Variants in ANKS1B observed in about 807,000 individuals in gnomAD.
The protein encoded by ANKS1B is ankyrin repeat and sterile alpha motif domain containing 1B, also known as ankyrin repeat and sterile alpha motif domain-containing protein 1B.
In ANKS1B, 36 loss-of-function variants were observed where a neutral mutation model predicts 148.3. The observed-to-expected ratio is 0.24, with a 90% confidence interval of 0.19 to 0.32. The LOEUF is 0.32. Ranked by LOEUF, ANKS1B falls within the 10% of genes least tolerant of loss-of-function variation. ANKS1B has a pLI of 1.00. For missense variants in ANKS1B, 1,157 were observed against 1,542.6 expected, an observed-to-expected ratio of 0.75 and a Z score of 4.19; for synonymous variants, 542 against 560.8, an observed-to-expected ratio of 0.97 and a Z score of 0.47.
At position 99,548,285 on chromosome 12, in the gene ANKS1B, T is replaced by C. The variant is rs372867289; in HGVS notation, c.1273-43644A>G. On this transcript the variant is annotated intron_variant, in intron 9 of 26. Coordinates refer to ENST00000683438, the MANE Select transcript of ANKS1B (RefSeq NM_001352186.2). ...CAGCAGCATCTCCTTGCATGGAATA[T>C]CAGATTCAAATTTCTTTGCCTGATT... Among the ~76,000 whole-genome samples the C allele has an allele frequency of 8.5e-5, 13 of 152,296 alleles. No homozygotes were observed. The East Asian group carries it at 2.5e-3, about 29-fold the overall frequency.
At chr12:99,852,762 G>A (rs936304686) in intron 1 of ANKS1B, among the ~76,000 whole-genome samples, 1 of 152,242 alleles carries the variant, frequency 6.6e-6, no homozygotes, top group African/African-American at 2.4e-5. Flanking sequence ...GTGTGGGACA[G>A]CAGAGGAACT....
At chr12:98,959,003 T>C (rs1017369757) in intron 17 of ANKS1B, among the ~76,000 whole-genome samples, 1 of 152,216 alleles carries the variant, frequency 6.6e-6, no homozygotes, top group Non-Finnish European at 1.5e-5. Flanking sequence ...AGTTATACTT[T>C]ATAATAAAAA....
chr12:99,158,851 A>T (rs940077212), intron 14 of ANKS1B, among the ~76,000 whole-genome samples: 8 of 152,136 alleles, frequency 5.3e-5, no homozygotes, highest in Non-Finnish European at 1.0e-4. Context: ...AATCCCAACC[A>T]AGCGGCATGG....
chr12:99,754,320 A>T (rs190686359), intron 8 of ANKS1B, among the ~76,000 whole-genome samples: 1 of 152,290 alleles, frequency 6.6e-6, no homozygotes, highest in African/African-American at 2.4e-5. Flanking sequence ...TCCTAAATAT[A>T]TATGCACCCA....
rs867983944 is a variant in ANKS1B, at chr12:99,449,896, T to C, written c.1439-6087A>G. On this transcript the variant is annotated intron_variant, in intron 10 of 26. Coordinates refer to ENST00000683438, the MANE Select transcript of ANKS1B (RefSeq NM_001352186.2). ...ATAGGACCAACAGGATCTATCCATC[T>C]ATCTATCTATCTATCTATCTATCTA... Among the ~76,000 whole-genome samples the C allele has an allele frequency of 3.3e-3, 5 of 1,510 alleles. No homozygotes were observed. In the South Asian group the frequency reaches 0.079, roughly 24 times the overall value. The allele number at this position is 1,510 out of a possible 152,430, so 1.0% of individuals were successfully genotyped here. A position where few individuals can be genotyped will look rare whatever the true frequency, so the allele number is the denominator to read the frequency against.
At chr12:99,747,260 C>T (rs1819520312) in intron 8 of ANKS1B, among the ~76,000 whole-genome samples, 8 of 152,074 alleles carry the variant, frequency 5.3e-5, no homozygotes, top group South Asian at 4.1e-4. Context: ...TGAAACTAAA[C>T]TTATCCTCTT....
At chr12:99,179,538 C>A (rs1269445953) in intron 14 of ANKS1B, among the ~76,000 whole-genome samples, 5 of 151,652 alleles carry the variant, frequency 3.3e-5, no homozygotes, top group African/African-American at 1.2e-4. Flanking sequence ...GAGTGCCATG[C>A]ATTCTCTTTC....
At chr12:99,242,416 A>G (rs1306457565) in intron 14 of ANKS1B, among the ~76,000 whole-genome samples, 1 of 152,220 alleles carries the variant, frequency 6.6e-6, no homozygotes, top group East Asian at 1.9e-4. Context: ...ATGGAAGAAC[A>G]TTCCATGCTC....
intron 12 of ANKS1B, among the ~76,000 whole-genome samples, chr12:99,316,044 C>A (rs1602762794): frequency 6.6e-6 from 1 of 152,230 alleles, no homozygotes; most frequent in East Asian, 1.9e-4. Flanking sequence ...TGTATATGTG[C>A]CACATTTTCT....
chr12:99,046,534 T>C (rs910168005), intron 17 of ANKS1B, among the ~76,000 whole-genome samples: 7 of 151,378 alleles, frequency 4.6e-5, no homozygotes, highest in Non-Finnish European at 1.0e-4. Flanking sequence ...GTGCGGTGGC[T>C]CATGCCTGTA....
chr12:99,671,443 C>A lies in ANKS1B; in HGVS notation c.1129-16233G>T, dbSNP rs186025850. Among the ~76,000 whole-genome samples, 1,028 of 152,150 alleles carry A rather than the reference C, an allele frequency of 6.8e-3. 10 individuals carry two copies. Among genetic ancestry groups the A allele is most frequent in the Non-Finnish European group, 0.011 (780 of 67,974 alleles). ...CAGCCCCGCAATCAAAAGATAAACA[C>A]CCCCATTATTAAATAGCAATATTTT... is the stretch of plus-strand genomic sequence containing the variant. On this transcript the variant is annotated intron_variant, in intron 8 of 26. Coordinates refer to ENST00000683438, the MANE Select transcript of ANKS1B (RefSeq NM_001352186.2).
chr12:99,318,352 T>C (rs1294777045), intron 12 of ANKS1B, among the ~76,000 whole-genome samples: 1 of 152,230 alleles, frequency 6.6e-6, no homozygotes, highest in Non-Finnish European at 1.5e-5. Context: ...AGCCTGTAAT[T>C]GGTCTATTCA....
chr12:99,975,982 G>A (rs536237065), intron 1 of ANKS1B, among the ~76,000 whole-genome samples: 10 of 152,284 alleles, frequency 6.6e-5, no homozygotes, highest in African/African-American at 2.2e-4. Context: ...ACAAGAAAAT[G>A]TGGTACATAT....
intron 17 of ANKS1B, among the ~76,000 whole-genome samples, chr12:98,865,052 T>C (rs1284189944): frequency 1.3e-5 from 2 of 152,200 alleles, no homozygotes; most frequent in Non-Finnish European, 2.9e-5. Context: ...TGTTGTTTTC[T>C]GCTGGAGAGA....
intron 12 of ANKS1B, among the ~76,000 whole-genome samples, chr12:99,327,233 T>TATA (rs1366039933): frequency 9.2e-6 from 1 of 108,194 alleles, no homozygotes; most frequent in Non-Finnish European, 1.8e-5. Flanking sequence ...TTTATAATTA[T>TATA]AATAATTATA....
chr12:98,841,820 C>A (rs530698477), intron 17 of ANKS1B, among the ~76,000 whole-genome samples: 4 of 152,218 alleles, frequency 2.6e-5, no homozygotes, highest in African/African-American at 4.8e-5. Context: ...TCCCCACCCC[C>A]ACCACTATCC....
chr12:99,870,003 A>G, intron 1 of ANKS1B, among the ~76,000 whole-genome samples: 1 of 151,986 alleles, frequency 6.6e-6, no homozygotes, highest in Non-Finnish European at 1.5e-5. Context: ...ACACAGATAT[A>G]TTGTGTGATG....
intron 11 of ANKS1B, among the ~76,000 whole-genome samples, chr12:99,425,683 A>C (rs2095238695): frequency 1.3e-5 from 2 of 151,826 alleles, no homozygotes; most frequent in African/African-American, 4.8e-5. Flanking sequence ...CAGCGCCATT[A>C]ATCATTTTTC....
intron 18 of ANKS1B, among the ~76,000 whole-genome samples, chr12:98,830,763 GAA>G (rs1481316218): frequency 6.6e-6 from 1 of 152,042 alleles, no homozygotes; most frequent in African/African-American, 2.4e-5. Context: ...ACGAATTTTA[GAA>G]AAGTTCTTGT....
Sources: gnomAD v4.1 joint callset for allele counts (sites outside exome capture counted in the v4.1 genomes callset) on GRCh38, gnomAD v4.1.1 for gene constraint, MANE v1.5 for transcripts, NCBI Gene and HGNC (gene_info 2026-07-23, HGNC 2026-07-21) for gene names.